BMP2K: variants seen among roughly 807,000 people sequenced by gnomAD.
BMP2K encodes BMP-2-inducible protein kinase.
In BMP2K, 74 loss-of-function variants were observed where a neutral mutation model predicts 116.0. The observed-to-expected ratio is 0.64, with a 90% CI of 0.53 to 0.77. The LOEUF (loss-of-function observed/expected upper bound fraction) is 0.77. Ranked by LOEUF, BMP2K falls within the 30% of genes least tolerant of loss-of-function variation. BMP2K has a pLI of 0.00. For missense variants in BMP2K, 1,365 were observed against 1,403.6 expected (o/e 0.97, Z 0.44); for synonymous variants, 486 against 502.5 (o/e 0.97, Z 0.44).
chr4:78,786,189 G>A (rs1200325713), intron 1 of BMP2K, among the ~76,000 whole-genome samples: 1 of 152,110 alleles, frequency 6.6e-6, no homozygotes, highest in African/African-American at 2.4e-5. Context: ...CTTGGGAAAT[G>A]ATTGGGTCAT....
intron 2 of BMP2K, among the ~76,000 whole-genome samples, chr4:78,830,515 C>T (rs1353451525): frequency 2.6e-5 from 4 of 152,178 alleles, no homozygotes; most frequent in Non-Finnish European, 4.4e-5. Flanking sequence ...AATACAGCAT[C>T]GACTTCTTCT....
chr4:78,831,339 G>C (rs1270959769), intron 2 of BMP2K, among the ~76,000 whole-genome samples: 5 of 152,200 alleles, frequency 3.3e-5, no homozygotes, highest in Admixed American at 3.3e-4. Flanking sequence ...AAATATGACA[G>C]AGACACAAAC....
intron 7 of BMP2K, 105 bp from the exon 8 acceptor site, chr4:78,859,479 T>C: frequency 4.4e-6 from 3 of 681,412 alleles, no homozygotes; most frequent in South Asian, 2.5e-5. Flanking sequence ...ATCACTGATC[T>C]TAGAGTGGAA....
rs997569395 is a variant in BMP2K, at chr4:78,876,561, T to C, written c.1794-2173T>C. 7.9e-5 allele frequency among the ~76,000 whole-genome samples: 12 copies of C among 152,214 alleles called. 1 individual carries two copies. The highest frequency in any genetic ancestry group is 7.2e-4 in the Admixed American group (11 of 15,280). On this transcript the variant is annotated intron_variant, in intron 13 of 15. Transcript: ENST00000502613. ...ACTAAGGGATTAAATAGACGACTTT[T>C]GCCTTTCTTTTCTCTTCTAAGACCT...
At chr4:78,781,191 AT>A (rs1171470253) in intron 1 of BMP2K, among the ~76,000 whole-genome samples, 6 of 152,316 alleles carry the variant, frequency 3.9e-5, no homozygotes, top group Admixed American at 2.6e-4. Flanking sequence ...ACAGGAAGCT[AT>A]TGAAGGGTTT....
At chr4:78,884,151 G>A (rs1194134244) in intron 14 of BMP2K, among the ~76,000 whole-genome samples, 2 of 152,008 alleles carry the variant, frequency 1.3e-5, no homozygotes, top group African/African-American at 4.8e-5. Flanking sequence ...GGGCAACATA[G>A]AGCTTATCTC....
intron 15 of BMP2K, among the ~76,000 whole-genome samples, chr4:78,909,196 C>G (rs540972263): frequency 6.6e-6 from 1 of 151,500 alleles, no homozygotes; most frequent in Non-Finnish European, 1.5e-5. Context: ...TGCCAACATG[C>G]CTGGCTAATT....
At chr4:78,908,774 G>A (rs1158051732) in intron 15 of BMP2K, among the ~76,000 whole-genome samples, 1 of 152,070 alleles carries the variant, frequency 6.6e-6, no homozygotes, top group Non-Finnish European at 1.5e-5. Context: ...AAATTTGTGT[G>A]TGGGTACATA....
chr4:78,848,443 TAGAAG>T (rs1380405586), intron 6 of BMP2K, among the ~76,000 whole-genome samples: 1 of 151,452 alleles, frequency 6.6e-6, no homozygotes, highest in Non-Finnish European at 1.5e-5. Context: ...ATCAAGGTGT[TAGAAG>T]AGGTGATTAT....
chr4:78,868,713 T>C (rs1228497584), intron 10 of BMP2K, among the ~76,000 whole-genome samples: 1 of 152,134 alleles, frequency 6.6e-6, no homozygotes, highest in Non-Finnish European at 1.5e-5. Flanking sequence ...ACAAAGGGGT[T>C]ACAGCGCCCA....
intron 1 of BMP2K, among the ~76,000 whole-genome samples, chr4:78,825,336 T>C (rs1729818775): frequency 6.6e-6 from 1 of 152,252 alleles, no homozygotes; most frequent in African/African-American, 2.4e-5. Context: ...GCCAAATGTC[T>C]GTGTTTTGGA....
intron 2 of BMP2K, among the ~76,000 whole-genome samples, chr4:78,833,093 A>C (rs1394711205): frequency 6.6e-6 from 1 of 151,990 alleles, no homozygotes; most frequent in Non-Finnish European, 1.5e-5. Flanking sequence ...TCTTTTTAGA[A>C]ATCTTTTTAG....
intron 2 of BMP2K, among the ~76,000 whole-genome samples, chr4:78,833,277 GT>G (rs1560520468): frequency 1.3e-5 from 2 of 151,998 alleles, no homozygotes; most frequent in African/African-American, 4.8e-5. Flanking sequence ...TGTAATAAAA[GT>G]TCTAATATTT....
intron 1 of BMP2K, among the ~76,000 whole-genome samples, chr4:78,813,895 G>T (rs189993426): frequency 6.6e-6 from 1 of 152,184 alleles, no homozygotes; most frequent in African/African-American, 2.4e-5. Context: ...CACAAGGGCA[G>T]TTCTCTGATT....
intron 7 of BMP2K, among the ~76,000 whole-genome samples, chr4:78,853,739 C>T (rs946741890): frequency 1.3e-5 from 2 of 152,046 alleles, no homozygotes; most frequent in African/African-American, 4.8e-5. Context: ...CTCAGTCTTC[C>T]CATTTCTAAA....
chr4:78,842,500 G>A lies in BMP2K; in HGVS notation c.519G>A (p.Lys173=). 6.3e-7 allele frequency: 1 copy of A among 1,592,134 alleles called. No individual in the cohort carries two copies. Among genetic ancestry groups the A allele is most frequent in the Non-Finnish European group, 8.6e-7 (1 of 1,164,104 alleles). The change falls in exon 4 of 16, where the codon AAG becomes AAA. Residue 173 remains lysine, a synonymous_variant. Coordinates refer to ENST00000502613, the MANE Select transcript of BMP2K (RefSeq NM_198892.2). ...CEAVARLHQC[K]TPIIHRDLKV... ...CTGTTGCAAGGTTGCATCAGTGTAA[G>A]ACTCCAATAATTCACCGGGATCTGA...
chr4:78,902,714 C>A (rs1403758924), intron 15 of BMP2K, among the ~76,000 whole-genome samples: 3 of 152,044 alleles, frequency 2.0e-5, no homozygotes, highest in African/African-American at 7.2e-5. Flanking sequence ...AAATGTACCA[C>A]CTGTTTTATA....
chr4:78,857,553 T>C (rs1731560732), intron 7 of BMP2K, among the ~76,000 whole-genome samples: 1 of 152,112 alleles, frequency 6.6e-6, no homozygotes, highest in Admixed American at 6.6e-5. Context: ...ATCATTTAAT[T>C]CCTCTCTGAA....
chr4:78,789,016 C>G (rs531366076), intron 1 of BMP2K, among the ~76,000 whole-genome samples: 129 of 149,794 alleles, frequency 8.6e-4, no homozygotes, highest in African/African-American at 3.1e-3. Context: ...CTTTGGAAGA[C>G]GAAATATAGG....
Sources: allele counts gnomAD v4.1 joint callset (sites outside exome capture counted in the v4.1 genomes callset), GRCh38; gene constraint gnomAD v4.1.1; transcripts MANE v1.5; gene names NCBI Gene and HGNC (gene_info 2026-07-23, HGNC 2026-07-21).